FHIT: variants seen among roughly 807,000 people sequenced by gnomAD.
FHIT encodes bis(5'-adenosyl)-triphosphatase.
A neutral mutation model predicts 17.9 loss-of-function variants in FHIT; 19 were observed. The observed-to-expected ratio is 1.06, with a 90% CI of 0.74 to 1.56. The LOEUF (loss-of-function observed/expected upper bound fraction) is 1.56. Among genes scored for constraint, FHIT ranks in the 40% most tolerant of loss-of-function variants. The probability of loss-of-function intolerance (pLI) is 0.00; values close to 1 mark genes in which losing one functional copy is unlikely to be tolerated. For missense variants in FHIT, 248 were observed against 189.2 expected, an observed-to-expected ratio of 1.31 and a Z score of -1.82; for synonymous variants, 81 against 69.7, an observed-to-expected ratio of 1.16 and a Z score of -0.81.
At chr3:60,984,942 C>T (rs1453036112) in intron 3 of FHIT, among the ~76,000 whole-genome samples, 1 of 152,030 alleles carries the variant, frequency 6.6e-6, no homozygotes, top group Non-Finnish European at 1.5e-5. Context: ...TGGAGTCATG[C>T]AGAATCAACA....
chr3:60,957,111 A>G (rs1174391214), intron 3 of FHIT, among the ~76,000 whole-genome samples: 1 of 152,224 alleles, frequency 6.6e-6, no homozygotes, highest in Non-Finnish European at 1.5e-5. Context: ...TAAGCCGGGC[A>G]GAGATAATCA....
intron 5 of FHIT, among the ~76,000 whole-genome samples, chr3:60,442,657 G>A (rs1310919489): frequency 1.3e-5 from 2 of 152,166 alleles, no homozygotes; most frequent in Non-Finnish European, 2.9e-5. Flanking sequence ...ACAGTACCAT[G>A]CTGTTTTGGT....
At chr3:60,565,799 C>T (rs1169933284) in intron 4 of FHIT, among the ~76,000 whole-genome samples, 1 of 152,114 alleles carries the variant, frequency 6.6e-6, no homozygotes. Context: ...TTGCCTTCTG[C>T]TAGCTTTTGA....
intron 3 of FHIT, among the ~76,000 whole-genome samples, chr3:60,997,387 T>G (rs542395671): frequency 6.6e-6 from 1 of 152,236 alleles, no homozygotes; most frequent in African/African-American, 2.4e-5. Context: ...GGTGTCAATA[T>G]TTTACATAAA....
chr3:61,155,862 A>G (rs1031036753), intron 2 of FHIT, among the ~76,000 whole-genome samples: 2 of 152,212 alleles, frequency 1.3e-5, no homozygotes, highest in African/African-American at 4.8e-5. Context: ...GAAGGTTGCC[A>G]TCATTCCCAG....
intron 3 of FHIT, among the ~76,000 whole-genome samples, chr3:60,869,626 C>T (rs562154052): frequency 6.6e-6 from 1 of 152,250 alleles, no homozygotes; most frequent in African/African-American, 2.4e-5. Context: ...ACAACTTTTG[C>T]CACGGAGCCA....
intron 5 of FHIT, among the ~76,000 whole-genome samples, chr3:60,138,880 T>G (rs540384191): frequency 6.6e-6 from 1 of 152,108 alleles, no homozygotes; most frequent in East Asian, 1.9e-4. Flanking sequence ...TGAACATGGA[T>G]CAGAAAGCTG....
At chr3:59,877,265 T>C (rs1207084762) in intron 8 of FHIT, among the ~76,000 whole-genome samples, 1 of 152,228 alleles carries the variant, frequency 6.6e-6, no homozygotes. Context: ...GCCAAAATCA[T>C]TCTACTTAAC....
At chr3:60,122,135 A>C (rs922516760) in intron 5 of FHIT, among the ~76,000 whole-genome samples, 28 of 152,268 alleles carry the variant, frequency 1.8e-4, no homozygotes, top group African/African-American at 6.3e-4. Context: ...TAGAGATAAT[A>C]AAAGAGACGT....
chr3:61,109,338 G>A (rs1291909418), intron 2 of FHIT, among the ~76,000 whole-genome samples: 1 of 152,188 alleles, frequency 6.6e-6, no homozygotes, highest in Admixed American at 6.5e-5. Flanking sequence ...CCAGAGAGTT[G>A]TTCCTAATCT....
At chr3:59,924,393 T>A (rs1705553210) in intron 7 of FHIT, among the ~76,000 whole-genome samples, 1 of 152,156 alleles carries the variant, frequency 6.6e-6, no homozygotes, top group Admixed American at 6.5e-5. Flanking sequence ...TGTCTTCCAG[T>A]CAAACTTCCT....
chr3:60,571,547 C>A (rs1027569687), intron 4 of FHIT, among the ~76,000 whole-genome samples: 30 of 151,950 alleles, frequency 2.0e-4, no homozygotes, highest in African/African-American at 7.2e-4. Context: ...GCTCTGGGAG[C>A]AAAAAGTGTG....
chr3:61,051,048 T>C (rs1166991059), intron 2 of FHIT, among the ~76,000 whole-genome samples: 1 of 152,218 alleles, frequency 6.6e-6, no homozygotes, highest in Non-Finnish European at 1.5e-5. Context: ...AACTGCTACC[T>C]ATCTGAAGTG....
intron 2 of FHIT, among the ~76,000 whole-genome samples, chr3:61,067,297 T>A (rs1304348234): frequency 1.3e-5 from 2 of 152,166 alleles, no homozygotes; most frequent in Admixed American, 1.3e-4. Flanking sequence ...AAAAACTATG[T>A]ACTCATGGTG....
At chr3:60,261,018 GAA>G (rs1241535351) in intron 5 of FHIT, among the ~76,000 whole-genome samples, 1 of 151,986 alleles carries the variant, frequency 6.6e-6, no homozygotes, top group African/African-American at 2.4e-5. Flanking sequence ...CCATTCCCGG[GAA>G]AGTCATGAAT....
intron 5 of FHIT, among the ~76,000 whole-genome samples, chr3:60,363,730 C>T (rs970045): frequency 0.63 from 96,347 of 152,064 alleles, 32,688 homozygotes; most frequent in African/African-American, 0.88. Context: ...GTCTGGCCTC[C>T]GTGAACTCCA....
Position 60,262,980 on chromosome 3 carries a change from C to T in FHIT, c.104-248828G>A, listed in dbSNP as rs551943402. 2.2e-4 allele frequency among the ~76,000 whole-genome samples: 33 copies of T among 151,788 alleles called. 1 individual carries two copies. In the South Asian group the frequency reaches 4.8e-3, roughly 22 times the overall value. ...ATTTTTAATGCAAATACTTAATAAA[C>T]GACTTATATCTAGAATAAAAAATAA... On this transcript the variant is annotated intron_variant, in intron 5 of 9. Transcript: ENST00000492590.
At chr3:61,131,586 C>A (rs2036765763) in intron 2 of FHIT, among the ~76,000 whole-genome samples, 1 of 152,214 alleles carries the variant, frequency 6.6e-6, no homozygotes. Context: ...AGGTACATAG[C>A]AGTCTTGTCA....
intron 5 of FHIT, among the ~76,000 whole-genome samples, chr3:60,448,071 A>C (rs2031466581): frequency 6.6e-6 from 1 of 152,150 alleles, no homozygotes; most frequent in Non-Finnish European, 1.5e-5. Context: ...TAGCTCAAGA[A>C]CGTAGCAGAA....
Sources: allele counts gnomAD v4.1 joint callset (sites outside exome capture counted in the v4.1 genomes callset), GRCh38; gene constraint gnomAD v4.1.1; transcripts MANE v1.5; gene names NCBI Gene and HGNC (gene_info 2026-07-23, HGNC 2026-07-21).